BCAT1: variants seen among roughly 807,000 people sequenced by gnomAD.
BCAT1 encodes the protein branched-chain-amino-acid aminotransferase, cytosolic.
Under a neutral mutation model 52.4 loss-of-function variants are expected in BCAT1, and 48 were observed. The ratio of observed to expected loss-of-function variants is 0.92; its 90% CI spans 0.73 to 1.16. The LOEUF (loss-of-function observed/expected upper bound fraction) is 1.16, where lower values mean the gene tolerates loss of function less well. Ranked by LOEUF, BCAT1 falls within the 50% of genes most tolerant of loss-of-function variation. BCAT1 has a pLI of 0.00. For synonymous variants in BCAT1, 167 were observed against 161.3 expected (o/e 1.04, Z -0.27); for missense variants, 451 against 457.1 (o/e 0.99, Z 0.12).
intron 7 of BCAT1, among the ~76,000 whole-genome samples, chr12:24,841,450 T>G (rs1000336945): frequency 6.6e-6 from 1 of 152,160 alleles, no homozygotes; most frequent in Non-Finnish European, 1.5e-5. Context: ...GGTGTTCAGA[T>G]AGGAAAATTG....
intron 8 of BCAT1, chr12:24,834,499 T>C (rs1030793415): frequency 1.0e-5 from 10 of 977,508 alleles, no homozygotes; most frequent in Non-Finnish European, 1.2e-5. Context: ...AACAAGTTAT[T>C]TGAATAAAGG....
At chr12:24,836,630 T>G (rs778714649) in intron 7 of BCAT1, 34 bp from the exon 8 acceptor site, 3 of 1,539,734 alleles carry the variant, frequency 1.9e-6, no homozygotes, top group Admixed American at 1.8e-5. Flanking sequence ...TTTCAAACTT[T>G]CACTACATTA....
chr12:24,836,925 A>G, intron 7 of BCAT1, among the ~76,000 whole-genome samples: 1 of 107,200 alleles, frequency 9.3e-6, no homozygotes, highest in South Asian at 2.9e-4. Context: ...AAAGAAAGAA[A>G]GAAAGAAAGA....
chr12:24,881,435 T>C, intron 3 of BCAT1, 24 bp from the exon 4 acceptor site: 1 of 1,511,058 alleles, frequency 6.6e-7, no homozygotes, highest in Non-Finnish European at 9.2e-7. Context: ...AGAAAAAATC[T>C]TAGAGGGTAA....
chr12:24,948,841 C>G, intron 1 of BCAT1, 86 bp downstream of exon 1: 1 of 1,468,174 alleles, frequency 6.8e-7, no homozygotes, highest in Non-Finnish European at 9.3e-7. Flanking sequence ...TCCTCCCCTC[C>G]CTGCCAACTA....
At chr12:24,862,859 C>T (rs1941886690) in intron 5 of BCAT1, among the ~76,000 whole-genome samples, 1 of 151,990 alleles carries the variant, frequency 6.6e-6, no homozygotes, top group South Asian at 2.1e-4. Flanking sequence ...TAACATTTTG[C>T]ATTGACTGAC....
chr12:24,874,675 G>A (rs1391567484), intron 5 of BCAT1, among the ~76,000 whole-genome samples: 1 of 152,220 alleles, frequency 6.6e-6, no homozygotes, highest in Non-Finnish European at 1.5e-5. Flanking sequence ...TCCTTTAAAA[G>A]TGGTTATGAA....
intron 7 of BCAT1, among the ~76,000 whole-genome samples, chr12:24,837,832 T>C (rs1941046508): frequency 1.3e-5 from 2 of 152,014 alleles, no homozygotes; most frequent in South Asian, 4.2e-4. Flanking sequence ...CTTATCAGAG[T>C]GAGCTCAAGC....
chr12:24,848,846 C>T (rs889413526), intron 6 of BCAT1, among the ~76,000 whole-genome samples: 2 of 152,096 alleles, frequency 1.3e-5, no homozygotes, highest in African/African-American at 2.4e-5. Context: ...GCTAAAGTTG[C>T]CAGTGGGGAT....
At chr12:24,949,175 C>T (rs185919071), upstream of BCAT1, 341 of 541,064 alleles carry the variant, frequency 6.3e-4, 2 homozygotes, top group East Asian at 9.3e-3. Context: ...GGCTGCTCCC[C>T]CAGGCCGCCC....
intron 5 of BCAT1, among the ~76,000 whole-genome samples, chr12:24,877,265 C>T (rs983539000): frequency 6.6e-6 from 1 of 152,212 alleles, no homozygotes; most frequent in Admixed American, 6.5e-5. Context: ...ATCTCACACT[C>T]TCTTATTCTA....
At position 24,811,987 on chromosome 12, in the gene BCAT1, G is replaced by C. The variant is rs921634988; in HGVS notation, c.*6021C>G. ...GGTTGAGCCCCAGCTCCATGTATTA[G>C]GTAGCTAGGTATATTGTGGGATTAT... On this transcript the variant is annotated 3_prime_UTR_variant, in exon 11 of 11. Coordinates refer to ENST00000261192, the MANE Select transcript of BCAT1 (RefSeq NM_005504.7). 6.6e-6 allele frequency: 1 copy of C among 152,112 alleles called. No homozygotes were observed. Among genetic ancestry groups the C allele is most frequent in the Non-Finnish European group, 1.5e-5 (1 of 67,972 alleles). The allele number at this position is 152,112 out of a possible 1,614,324, so 9.4% of individuals were successfully genotyped here. A position where few individuals can be genotyped will look rare whatever the true frequency, so the allele number is the denominator to read the frequency against.
At chr12:24,917,195 CTTTTTTTTTTT>C in intron 1 of BCAT1, among the ~76,000 whole-genome samples, 1 of 103,530 alleles carries the variant, frequency 9.7e-6, no homozygotes, top group African/African-American at 4.0e-5. Context: ...GAGCTTTGGA[CTTTTTTTTTTT>C]TTTTTTTTTT....
rs1942631364 is a variant in BCAT1 at position 24,885,385 on chromosome 12, A to T, written c.280-3974T>A. On this transcript the variant is annotated intron_variant, in intron 3 of 10. Coordinates refer to ENST00000261192, the MANE Select transcript of BCAT1 (RefSeq NM_005504.7). Reference sequence around the variant, plus strand: ...GGAAAATATAAAACTTTACCAAGTTATTAATGTAGAAAGCAATTTCATGCT... The same window carrying T: ...GGAAAATATAAAACTTTACCAAGTTTTTAATGTAGAAAGCAATTTCATGCT... Among the ~76,000 whole-genome samples the T allele has an allele frequency of 3.3e-5, 5 of 152,210 alleles. No homozygotes were observed. In the South Asian group the frequency reaches 1.0e-3, roughly 32 times the overall value.
intron 3 of BCAT1, among the ~76,000 whole-genome samples, chr12:24,892,984 T>C (rs963235845): frequency 6.6e-6 from 1 of 152,232 alleles, no homozygotes; most frequent in Non-Finnish European, 1.5e-5. Context: ...AACAGAAACT[T>C]AGATTCCTAA....
At chr12:24,885,750 A>G (rs749692512) in intron 3 of BCAT1, among the ~76,000 whole-genome samples, 1 of 152,214 alleles carries the variant, frequency 6.6e-6, no homozygotes, top group Non-Finnish European at 1.5e-5. Context: ...TCATGTGTAC[A>G]TGACAAAGGT....
intron 10 of BCAT1, among the ~76,000 whole-genome samples, chr12:24,818,910 A>G (rs1939991433): frequency 6.6e-6 from 1 of 152,200 alleles, no homozygotes; most frequent in South Asian, 2.1e-4. Flanking sequence ...GCCTGTGTTT[A>G]TAATAAGTTC....
Position 24,887,061 on chromosome 12 carries a change from T to TAAAAATAA in BCAT1, c.280-5651_280-5650insTTATTTTT, listed in dbSNP as rs1207898454. ...CTGGAAGAACGAGAGAGATGCTAGC[T>TAAAAATAA]AAAAAAAAAAAAAAAAAAAATATAT... On this transcript the variant is annotated intron_variant, in intron 3 of 10. Coordinates refer to ENST00000261192, the MANE Select transcript of BCAT1 (RefSeq NM_005504.7). Among the ~76,000 whole-genome samples, 64 of 7,582 alleles carry TAAAAATAA rather than the reference T, an allele frequency of 8.4e-3. 3 individuals are homozygous for TAAAAATAA. Among genetic ancestry groups the TAAAAATAA allele is most frequent in the East Asian group, 0.035 (5 of 144 alleles). 5.0% of individuals were successfully genotyped at this position (7,582 alleles called of 152,430 possible).
At chr12:24,823,337 G>A (rs1470596776) in intron 10 of BCAT1, among the ~76,000 whole-genome samples, 1 of 152,142 alleles carries the variant, frequency 6.6e-6, no homozygotes, top group Non-Finnish European at 1.5e-5. Flanking sequence ...GTCTCCCAAA[G>A]TGTTGGGATT....
Sources: gnomAD v4.1 joint callset for allele counts (sites outside exome capture counted in the v4.1 genomes callset) on GRCh38, gnomAD v4.1.1 for gene constraint, MANE v1.5 for transcripts, NCBI Gene and HGNC (gene_info 2026-07-23, HGNC 2026-07-21) for gene names.